The following MIPOL1 variants were observed in gnomAD, a reference collection of about 807,000 sequenced individuals.
The protein encoded by MIPOL1 is mirror-image polydactyly gene 1 protein.
A neutral mutation model predicts 60.9 loss-of-function variants in MIPOL1; 57 were observed. That is an observed-to-expected ratio of 0.94 (90% CI 0.76 to 1.17). MIPOL1 has a LOEUF of 1.17. MIPOL1 is among the 50% of genes most tolerant of loss of function. The pLI, the probability that MIPOL1 is intolerant of heterozygous loss-of-function variation, is 0.00. For missense variants in MIPOL1, 551 were observed against 511.6 expected (o/e 1.08, Z -0.74); for synonymous variants, 179 against 168.8 (o/e 1.06, Z -0.47).
intron 6 of MIPOL1, among the ~76,000 whole-genome samples, chr14:37,275,942 T>C (rs931142506): frequency 6.6e-6 from 1 of 151,146 alleles, no homozygotes; most frequent in Non-Finnish European, 1.5e-5. Context: ...TGCAGACACA[T>C]TTCTTATTAA....
intron 6 of MIPOL1, chr14:37,276,958 G>A (rs1433659942): frequency 6.6e-6 from 1 of 151,062 alleles, no homozygotes; most frequent in African/African-American, 2.4e-5. Flanking sequence ...GAATTCTGAC[G>A]AGTGCCAGGT....
intron 11 of MIPOL1, among the ~76,000 whole-genome samples, chr14:37,451,977 G>A (rs565937754): frequency 2.7e-5 from 4 of 150,880 alleles, no homozygotes; most frequent in Non-Finnish European, 5.9e-5. Context: ...ATCACGCCCG[G>A]CTAATTTTTT....
chr14:37,489,100 A>C (rs977512198), intron 11 of MIPOL1, among the ~76,000 whole-genome samples: 15 of 152,178 alleles, frequency 9.9e-5, no homozygotes, highest in African/African-American at 3.6e-4. Context: ...ACACCAATCA[A>C]AAGTAGATTT....
intron 11 of MIPOL1, among the ~76,000 whole-genome samples, chr14:37,457,292 T>C (rs2094487663): frequency 6.6e-6 from 1 of 152,192 alleles, no homozygotes; most frequent in Non-Finnish European, 1.5e-5. Flanking sequence ...AGGTTCTTGA[T>C]CTTTCTCATT....
intron 9 of MIPOL1, among the ~76,000 whole-genome samples, chr14:37,349,348 G>A (rs1014962677): frequency 6.6e-6 from 1 of 152,034 alleles, no homozygotes; most frequent in Non-Finnish European, 1.5e-5. Flanking sequence ...CAAATTATGT[G>A]GCTTCTCTAC....
chr14:37,210,145 G>A (rs1358225026), intron 1 of MIPOL1, among the ~76,000 whole-genome samples: 1 of 151,982 alleles, frequency 6.6e-6, no homozygotes, highest in Non-Finnish European at 1.5e-5. Context: ...AGATTTCTGT[G>A]ACTAAATGTC....
chr14:37,273,316 A>G (rs1397607208), intron 6 of MIPOL1, among the ~76,000 whole-genome samples: 1 of 150,502 alleles, frequency 6.6e-6, no homozygotes, highest in Non-Finnish European at 1.5e-5. Flanking sequence ...CCTTTTTCAG[A>G]TTTTCTATAA....
At chr14:37,216,806 A>G (rs925348642) in intron 1 of MIPOL1, among the ~76,000 whole-genome samples, 2 of 152,230 alleles carry the variant, frequency 1.3e-5, no homozygotes, top group Admixed American at 6.5e-5. Context: ...GGAATTTTAT[A>G]ACTATAGGTG....
In MIPOL1 at chr14:37,418,076, A is replaced by G. The variant is rs141603484; in HGVS notation, c.937-4779A>G. ...CTGTATGCTTCTTTATTTAGCAGAT[A>G]TCACACATAACATCAGATGTCTCTG... is the stretch of plus-strand genomic sequence containing the variant. On this transcript the variant is annotated intron_variant, in intron 10 of 12. Coordinates refer to ENST00000684589, the MANE Select transcript of MIPOL1 (RefSeq NM_001388067.1). 1.0e-3 allele frequency among the ~76,000 whole-genome samples: 155 copies of G among 152,318 alleles called. 1 individual carries two copies. The highest frequency in any genetic ancestry group is 3.4e-3 in the African/African-American group (141 of 41,588).
At chr14:37,206,257 C>T (rs984714465) in intron 1 of MIPOL1, among the ~76,000 whole-genome samples, 1 of 152,158 alleles carries the variant, frequency 6.6e-6, no homozygotes, top group Non-Finnish European at 1.5e-5. Flanking sequence ...GACACGCCAG[C>T]CTTGGCTGAA....
chr14:37,306,052 T>C (rs1014614191), intron 7 of MIPOL1, among the ~76,000 whole-genome samples: 4 of 151,890 alleles, frequency 2.6e-5, no homozygotes, highest in Admixed American at 2.0e-4. Context: ...TAGCCCTTGA[T>C]AAGAACTTTT....
chr14:37,426,592 T>TATATATAC (rs1358064212), intron 11 of MIPOL1, among the ~76,000 whole-genome samples: 1 of 126,664 alleles, frequency 7.9e-6, no homozygotes, highest in African/African-American at 2.8e-5. Flanking sequence ...TATATATATA[T>TATATATAC]ATACACACAC....
chr14:37,412,508 G>A (rs1252719512), intron 10 of MIPOL1, among the ~76,000 whole-genome samples: 1 of 151,958 alleles, frequency 6.6e-6, no homozygotes, highest in Non-Finnish European at 1.5e-5. Flanking sequence ...TAAGGAACAA[G>A]AAACAACATG....
intron 9 of MIPOL1, among the ~76,000 whole-genome samples, chr14:37,356,826 G>T (rs989172614): frequency 6.6e-6 from 1 of 152,180 alleles, no homozygotes; most frequent in Admixed American, 6.5e-5. Context: ...CTAGTGAGAT[G>T]AACCCGGTAC....
chr14:37,328,900 T>C (rs1028878289), intron 9 of MIPOL1, among the ~76,000 whole-genome samples: 2 of 152,230 alleles, frequency 1.3e-5, no homozygotes, highest in Admixed American at 1.3e-4. Flanking sequence ...TGGGGCAGTT[T>C]TGTACTGAGC....
chr14:37,337,350 ATATATATTTTTTTTTTT>A (rs2090220352), intron 9 of MIPOL1, among the ~76,000 whole-genome samples: 1 of 37,376 alleles, frequency 2.7e-5, no homozygotes, highest in Non-Finnish European at 4.3e-5. Context: ...ATATATATAT[ATATATATTTTTTTTTTT>A]TTTTTTTTTT....
rs182613859 is a variant in MIPOL1 at position 37,448,364 on chromosome 14, T to C, written c.1031+25415T>C. Among the ~76,000 whole-genome samples the C allele has an allele frequency of 1.7e-3, 258 of 152,362 alleles. 1 individual carries two copies. Among genetic ancestry groups the C allele is most frequent in the African/African-American group, 5.9e-3 (244 of 41,590 alleles). On this transcript the variant is annotated intron_variant, in intron 11 of 12. Transcript: ENST00000684589. ...GTGAATCAACATGTCCTGTACATGCTACTTAGTTTGAAACTGGTATTTGTA... is the reference window on the plus strand; with the variant it reads ...GTGAATCAACATGTCCTGTACATGCCACTTAGTTTGAAACTGGTATTTGTA...
At chr14:37,473,326 C>T (rs886229212) in intron 11 of MIPOL1, among the ~76,000 whole-genome samples, 1 of 152,124 alleles carries the variant, frequency 6.6e-6, no homozygotes, top group African/African-American at 2.4e-5. Context: ...CAATTTTGAA[C>T]TTGTCCAGAC....
At chr14:37,526,121 A>G (rs1178233855) in intron 12 of MIPOL1, among the ~76,000 whole-genome samples, 3 of 151,976 alleles carry the variant, frequency 2.0e-5, no homozygotes, top group Admixed American at 1.3e-4. Context: ...AACTTAAAAT[A>G]TGATTTCTTA....
Sources: allele counts gnomAD v4.1 joint callset (sites outside exome capture counted in the v4.1 genomes callset), GRCh38; gene constraint gnomAD v4.1.1; transcripts MANE v1.5; gene names NCBI Gene and HGNC (gene_info 2026-07-23, HGNC 2026-07-21).